KSR1: variants seen among roughly 807,000 people sequenced by gnomAD.
The protein encoded by KSR1 is kinase suppressor of ras 1, also known as kinase suppressor of ras.
In KSR1, 35 loss-of-function variants were observed where a neutral mutation model predicts 92.9. The observed-to-expected ratio is 0.38, with a 90% CI of 0.29 to 0.50. The LOEUF (loss-of-function observed/expected upper bound fraction) is 0.50. Among genes scored for constraint, KSR1 ranks in the 20% least tolerant of loss-of-function variants. The probability of loss-of-function intolerance (pLI) is 0.94; values close to 1 mark genes in which losing one functional copy is unlikely to be tolerated. For synonymous variants in KSR1, 467 were observed against 472.6 expected (o/e 0.99, Z 0.15); for missense variants, 972 against 1,158.5 (o/e 0.84, Z 2.34).
chr17:27,582,074 C>T (rs1284689097), intron 3 of KSR1, among the ~76,000 whole-genome samples: 2 of 152,098 alleles, frequency 1.3e-5, no homozygotes, highest in African/African-American at 2.4e-5. Flanking sequence ...GTCACCCCTT[C>T]GGTTTCTGAG....
chr17:27,566,615 C>A, intron 2 of KSR1: 1 of 399,002 alleles, frequency 2.5e-6, no homozygotes, highest in South Asian at 1.3e-4. Flanking sequence ...TTCCACAGCT[C>A]CCTGGAGTTG....
intron 2 of KSR1, among the ~76,000 whole-genome samples, chr17:27,561,154 C>T (rs1281213951): frequency 6.6e-6 from 1 of 152,168 alleles, no homozygotes; most frequent in African/African-American, 2.4e-5. Flanking sequence ...TCTGATGATC[C>T]CCTGCAAGCT....
chr17:27,557,956 C>T (rs930862475), intron 2 of KSR1: 1 of 152,642 alleles, frequency 6.6e-6, no homozygotes, highest in African/African-American at 2.4e-5. Flanking sequence ...TGTTTTTACT[C>T]CTGTATTCTG....
Position 27,592,569 on chromosome 17 carries a change from G to C in KSR1, c.1242G>C (p.Pro414=), listed in dbSNP as rs775715540. The change falls in exon 9 of 21, where the codon CCG becomes CCC. Residue 414 remains proline (P), a synonymous_variant. Transcript: ENST00000644974. The part of the protein sequence containing the change: ...TESVPSDINN[P]VDRAAEPHFG... ...CTGTCCCCTCGGACATCAACAACCC[G>C]GTGGACAGAGCAGCCGAACCCCATT... The C allele has an allele frequency of 4.3e-6, 7 of 1,613,796 alleles. No individual in the cohort carries two copies. Among genetic ancestry groups the C allele is most frequent in the Non-Finnish European group, 5.1e-6 (6 of 1,179,886 alleles).
chr17:27,515,664 G>T (rs2069765717), intron 1 of KSR1, among the ~76,000 whole-genome samples: 1 of 139,604 alleles, frequency 7.2e-6, no homozygotes. Flanking sequence ...CAGGTCTTGT[G>T]GCCTCTGTGC....
intron 1 of KSR1, among the ~76,000 whole-genome samples, chr17:27,500,766 G>A (rs1318791793): frequency 1.3e-5 from 2 of 152,132 alleles, no homozygotes; most frequent in Admixed American, 1.3e-4. Flanking sequence ...AGGAAGGATG[G>A]CACTCACCAC....
intron 1 of KSR1, among the ~76,000 whole-genome samples, chr17:27,492,080 G>A (rs1427362533): frequency 6.6e-6 from 1 of 152,208 alleles, no homozygotes; most frequent in East Asian, 1.9e-4. Context: ...CTTTGCTGGA[G>A]ACAGACGGTA....
At chr17:27,502,422 G>C (rs781521317) in intron 1 of KSR1, among the ~76,000 whole-genome samples, 9 of 152,186 alleles carry the variant, frequency 5.9e-5, no homozygotes, top group Non-Finnish European at 1.0e-4. Flanking sequence ...TCTTACATGT[G>C]AGGCCATCTG....
chr17:27,468,349 C>T (rs1021231610), intron 1 of KSR1, among the ~76,000 whole-genome samples: 2 of 152,108 alleles, frequency 1.3e-5, no homozygotes, highest in African/African-American at 2.4e-5. Flanking sequence ...AATTCTCCTG[C>T]CTCTGCCTCC....
chr17:27,466,628 T>G (rs1167649176), intron 1 of KSR1, among the ~76,000 whole-genome samples: 1 of 152,228 alleles, frequency 6.6e-6, no homozygotes, highest in African/African-American at 2.4e-5. Context: ...GAGCTTGGGC[T>G]GCAGGGGGTT....
intron 2 of KSR1, among the ~76,000 whole-genome samples, chr17:27,554,863 G>A (rs571734713): frequency 1.4e-4 from 21 of 152,170 alleles, no homozygotes; most frequent in Non-Finnish European, 2.1e-4. Context: ...TTTTTATTTC[G>A]GAATAATTTT....
intron 10 of KSR1, among the ~76,000 whole-genome samples, chr17:27,600,090 CTTTTTT>C (rs552526373): frequency 8.7e-5 from 10 of 115,332 alleles, no homozygotes; most frequent in Admixed American, 3.0e-4. Context: ...TTACAGATAA[CTTTTTT>C]TTTTTTTTTT....
intron 7 of KSR1, among the ~76,000 whole-genome samples, chr17:27,591,744 A>AC (rs938346458): frequency 2.0e-5 from 3 of 152,128 alleles, no homozygotes; most frequent in Non-Finnish European, 4.4e-5. Context: ...AGCTCCCATC[A>AC]TGTGGGGAGC....
chr17:27,617,483 G>A (rs2074096510), intron 19 of KSR1, 55 bp downstream of exon 19: 1 of 1,574,648 alleles, frequency 6.4e-7, no homozygotes, highest in East Asian at 2.3e-5. Context: ...AGCCTCACCT[G>A]GGGTCTTAGA....
intron 2 of KSR1, chr17:27,566,411 C>G: frequency 2.5e-6 from 1 of 399,356 alleles, no homozygotes; most frequent in Non-Finnish European, 4.4e-6. Context: ...GGACACTGCA[C>G]TGGGGGCCAG....
intron 1 of KSR1, among the ~76,000 whole-genome samples, chr17:27,471,853 G>A (rs758684533): frequency 7.9e-5 from 12 of 152,186 alleles, no homozygotes; most frequent in African/African-American, 1.7e-4. Context: ...TCATCAGGCC[G>A]CGCAGCTGAC....
chr17:27,543,414 G>A (rs536069230), intron 1 of KSR1, among the ~76,000 whole-genome samples: 8 of 152,312 alleles, frequency 5.3e-5, no homozygotes, highest in African/African-American at 1.9e-4. Flanking sequence ...TGACAAGGAA[G>A]GGACCTGCAG....
At chr17:27,601,795 A>G in intron 11 of KSR1, 3 of 837,614 alleles carry the variant, frequency 3.6e-6, no homozygotes, top group South Asian at 3.3e-5. Context: ...TGATGGGAGG[A>G]TATCTTATGC....
chr17:27,602,789 A>G (rs1039197180), intron 11 of KSR1, among the ~76,000 whole-genome samples: 5 of 152,192 alleles, frequency 3.3e-5, no homozygotes, highest in African/African-American at 1.2e-4. Flanking sequence ...GATCCCCCAG[A>G]AATTGTGCAC....
Sources: gnomAD v4.1 joint callset for allele counts (sites outside exome capture counted in the v4.1 genomes callset) on GRCh38, gnomAD v4.1.1 for gene constraint, MANE v1.5 for transcripts, NCBI Gene and HGNC (gene_info 2026-07-23, HGNC 2026-07-21) for gene names.